Variants in CCDC146 observed in about 807,000 individuals in gnomAD.
CCDC146 encodes the protein coiled-coil domain containing 146, also known as coiled-coil domain-containing protein 146.
CCDC146 carries 92 observed loss-of-function variants against 119.3 expected under a neutral mutation model. The observed-to-expected ratio is 0.77, with a 90% CI of 0.65 to 0.92. The LOEUF is 0.92. Ranked by LOEUF, CCDC146 falls within the 40% of genes least tolerant of loss-of-function variation. The pLI, the probability that CCDC146 is intolerant of heterozygous loss-of-function variation, is 0.00. For synonymous variants in CCDC146, 372 were observed against 371.8 expected (o/e 1.00, Z -0.01); for missense variants, 1,000 against 1,103.0 (o/e 0.91, Z 1.32).
intron 1 of CCDC146, among the ~76,000 whole-genome samples, chr7:77,127,681 T>C (rs978885644): frequency 1.3e-5 from 2 of 152,124 alleles, no homozygotes; most frequent in African/African-American, 4.8e-5. Context: ...TTTGTCCTGC[T>C]CAGAAGTCAA....
At chr7:77,131,340 A>G (rs1380410637) in intron 1 of CCDC146, among the ~76,000 whole-genome samples, 4 of 152,104 alleles carry the variant, frequency 2.6e-5, no homozygotes, top group Non-Finnish European at 5.9e-5. Context: ...GTGAGTGGAA[A>G]AGCAAACTGT....
At chr7:77,163,860 C>CTTTTTTTTTTT (rs530810388) in intron 1 of CCDC146, among the ~76,000 whole-genome samples, 1 of 110,040 alleles carries the variant, frequency 9.1e-6, no homozygotes, top group African/African-American at 3.6e-5. Flanking sequence ...TCTTTTTTTT[C>CTTTTTTTTTTT]TTTTTTTTTT....
rs759429229 is a variant in CCDC146, at chr7:77,236,972, G to A, written c.182G>A (p.Gly61Glu). The change falls in exon 3 of 19, where the codon GGA becomes GAA. Residue 61 changes from glycine to glutamate, a missense_variant. Physicochemically the swap from Gly to Glu is moderately conservative, Grantham distance 98 (BLOSUM62 -2). This residue lies in a region of CCDC146 where 985 missense variants were observed against 1,045.3 expected (regional missense o/e 0.94). Coordinates refer to ENST00000285871, the MANE Select transcript of CCDC146 (RefSeq NM_020879.3). Reference protein sequence around the residue: ...HELHAMGKLPGTRMAALKAKY... With the variant: ...HELHAMGKLPETRMAALKAKY... ...TTACATGCTATGGGAAAACTTCCTG[G>A]AACCAGAATGGCAGCGTTAAAAGCC... The A allele has an allele frequency of 3.1e-6, 5 of 1,613,988 alleles. No individual in the cohort carries two copies. Among genetic ancestry groups the A allele is most frequent in the Non-Finnish European group, 4.2e-6 (5 of 1,179,976 alleles).
At chr7:77,226,766 CTT>C (rs1181934398) in intron 2 of CCDC146, among the ~76,000 whole-genome samples, 32 of 152,296 alleles carry the variant, frequency 2.1e-4, no homozygotes, top group Admixed American at 2.1e-3. Context: ...ACATGACAAA[CTT>C]GAGTTCTGCA....
chr7:77,206,522 A>G (rs1291274150), intron 2 of CCDC146, among the ~76,000 whole-genome samples: 1 of 151,990 alleles, frequency 6.6e-6, no homozygotes, highest in African/African-American at 2.4e-5. Flanking sequence ...TGCCTCAGCT[A>G]CATGGGAGGC....
chr7:77,125,550 T>C (rs1157990170), intron 1 of CCDC146, among the ~76,000 whole-genome samples: 1 of 151,636 alleles, frequency 6.6e-6, no homozygotes, highest in Non-Finnish European at 1.5e-5. Context: ...TTTCTTAGCA[T>C]ATATTGTTTC....
intron 9 of CCDC146, among the ~76,000 whole-genome samples, chr7:77,266,850 G>C (rs1008190147): frequency 1.1e-4 from 16 of 152,094 alleles, no homozygotes; most frequent in Non-Finnish European, 2.9e-5. Flanking sequence ...ACATTCAATG[G>C]ATCCTTAATT....
At chr7:77,274,698 G>A (rs747364532) in intron 11 of CCDC146, 46 bp downstream of exon 11, 3 of 1,488,634 alleles carry the variant, frequency 2.0e-6, no homozygotes, top group Non-Finnish European at 2.8e-6. Flanking sequence ...CAAGAGTTCA[G>A]GGTAGCCTCA....
At chr7:77,201,144 G>C (rs560097316) in intron 2 of CCDC146, among the ~76,000 whole-genome samples, 1 of 152,240 alleles carries the variant, frequency 6.6e-6, no homozygotes, top group African/African-American at 2.4e-5. Context: ...ATCTACCTCT[G>C]ATCATGTAAA....
chr7:77,281,244 TATAAC>T (rs1481091951), intron 14 of CCDC146, among the ~76,000 whole-genome samples: 1 of 152,230 alleles, frequency 6.6e-6, no homozygotes, highest in Non-Finnish European at 1.5e-5. Context: ...GGTTGCCTCT[TATAAC>T]ATCAGATTCT....
rs1253613745 is a variant in CCDC146 at position 77,153,431 on chromosome 7, T to C, written c.-11-14227T>C. On this transcript the variant is annotated intron_variant, in intron 1 of 18. Transcript: ENST00000285871. ...AGGAGGACAGTGGGACTTTTCTTTTTTTTTTTTTTTTTAACAATAAAAGAT... is the reference window on the plus strand; with the variant it reads ...AGGAGGACAGTGGGACTTTTCTTTTCTTTTTTTTTTTTAACAATAAAAGAT... 1.4e-4 allele frequency among the ~76,000 whole-genome samples: 21 copies of C among 150,902 alleles called. No individual in the cohort carries two copies. In the East Asian group the frequency reaches 3.5e-3, roughly 25 times the overall value.
At chr7:77,160,997 A>G (rs1791252643) in intron 1 of CCDC146, among the ~76,000 whole-genome samples, 1 of 152,244 alleles carries the variant, frequency 6.6e-6, no homozygotes, top group Admixed American at 6.5e-5. Context: ...GACACTTCAC[A>G]AAAGAAGACA....
rs1791873072 is a variant in CCDC146 at position 77,196,516 on chromosome 7, T to A, written c.156+28692T>A. On this transcript the variant is annotated intron_variant, in intron 2 of 18. Coordinates refer to ENST00000285871, the MANE Select transcript of CCDC146 (RefSeq NM_020879.3). This position sits in a 1 kb window ranked among gnomAD's most constrained non-coding sequence, Gnocchi z 4.2. ...TCCCAGAAGGATATCGATCATTGTCTTTATCTGGAGTGGTGAAAAACTTCA... is the reference window on the plus strand; with the variant it reads ...TCCCAGAAGGATATCGATCATTGTCATTATCTGGAGTGGTGAAAAACTTCA... The A allele has an allele frequency of 4.3e-6, 7 of 1,614,172 alleles. No individual in the cohort carries two copies. Among genetic ancestry groups the A allele is most frequent in the Non-Finnish European group, 5.9e-6 (7 of 1,180,008 alleles).
rs1333299622 is a variant in CCDC146 at position 77,196,650 on chromosome 7, C to G, written c.156+28826C>G. 2.5e-6 allele frequency: 4 copies of G among 1,613,996 alleles called. No individual in the cohort carries two copies. The highest frequency in any genetic ancestry group is 3.4e-6 in the Non-Finnish European group (4 of 1,179,966). ...AACTCATTAGCCACATAAAACTGAT[C>G]ATACAAGGCATATAGTTCGACACCA... On this transcript the variant is annotated intron_variant, in intron 2 of 18. Coordinates refer to ENST00000285871, the MANE Select transcript of CCDC146 (RefSeq NM_020879.3). This position sits in a 1 kb window ranked among gnomAD's most constrained non-coding sequence, Gnocchi z 4.2.
chr7:77,203,436 G>C (rs1307690396), intron 2 of CCDC146, among the ~76,000 whole-genome samples: 1 of 152,072 alleles, frequency 6.6e-6, no homozygotes, highest in African/African-American at 2.4e-5. Context: ...TATTGACACA[G>C]AATAGATGTG....
In CCDC146 at chr7:77,196,309, C is replaced by T. The variant is rs768221638; in HGVS notation, c.156+28485C>T. On this transcript the variant is annotated intron_variant, in intron 2 of 18. Coordinates refer to ENST00000285871, the MANE Select transcript of CCDC146 (RefSeq NM_020879.3). This position sits in a 1 kb window ranked among gnomAD's most constrained non-coding sequence, Gnocchi z 4.2. ...GCTTAAAGTGCTTGGGTCTGATCAT[C>T]ATCTTAGCCTCTTTGAAGGAGGACT... The T allele has an allele frequency of 2.5e-6, 4 of 1,613,944 alleles. No homozygotes were observed. Among genetic ancestry groups the T allele is most frequent in the Non-Finnish European group, 3.4e-6 (4 of 1,179,926 alleles).
intron 1 of CCDC146, among the ~76,000 whole-genome samples, chr7:77,155,790 G>T (rs1294600533): frequency 6.6e-6 from 1 of 152,182 alleles, no homozygotes; most frequent in Non-Finnish European, 1.5e-5. Flanking sequence ...AACCTGGAGG[G>T]TGTGTTGGAA....
At chr7:77,208,150 A>G (rs1404631914) in intron 2 of CCDC146, among the ~76,000 whole-genome samples, 2 of 152,104 alleles carry the variant, frequency 1.3e-5, no homozygotes, top group East Asian at 3.9e-4. Context: ...ATTCCCTTTC[A>G]CTTTGCCACA....
chr7:77,213,632 C>A (rs1178710058), intron 2 of CCDC146, among the ~76,000 whole-genome samples: 1 of 152,134 alleles, frequency 6.6e-6, no homozygotes, highest in Non-Finnish European at 1.5e-5. Context: ...GCCCTCCCTC[C>A]CATTCTGAAG....
Sources: gnomAD v4.1 joint callset for allele counts (sites outside exome capture counted in the v4.1 genomes callset) on GRCh38, gnomAD v4.1.1 for gene constraint, gnomAD v4.1.1 regional missense constraint, Gnocchi (gnomAD v3.1) non-coding constraint, MANE v1.5 for transcripts, NCBI Gene and HGNC (gene_info 2026-07-23, HGNC 2026-07-21) for gene names.